Variants in FUT8 observed in about 807,000 individuals in gnomAD.
The protein encoded by FUT8 is alpha-(1,6)-fucosyltransferase.
A neutral mutation model predicts 71.3 loss-of-function variants in FUT8; 29 were observed. The ratio of observed to expected loss-of-function variants is 0.41; its 90% confidence interval spans 0.30 to 0.55. FUT8 has a LOEUF of 0.55. Among genes scored for constraint, FUT8 ranks in the 20% least tolerant of loss-of-function variants. The pLI is 0.34. For synonymous variants in FUT8, 254 were observed against 239.3 expected (o/e 1.06, Z -0.57); for missense variants, 544 against 702.1 (o/e 0.77, Z 2.55).
At chr14:65,359,296 A>G in the FUT8 span, among the ~76,000 whole-genome samples, 2 of 152,238 alleles carry the variant, frequency 1.3e-5, no homozygotes, top group Non-Finnish European at 2.9e-5. Context: ...AGAAACCAAT[A>G]AACAAGGCAC....
intron 1 of FUT8, among the ~76,000 whole-genome samples, chr14:65,441,357 A>G (rs2065652020): frequency 6.6e-6 from 1 of 152,218 alleles, no homozygotes. Flanking sequence ...TTAGAAAAGT[A>G]TACATATATG....
the FUT8 span, among the ~76,000 whole-genome samples, chr14:65,391,841 C>T: frequency 1.3e-5 from 2 of 151,874 alleles, no homozygotes; most frequent in African/African-American, 2.4e-5. Flanking sequence ...AGGCTGGTCT[C>T]GAACTCCTGA....
At chr14:65,410,774 T>A (rs2065114522), upstream of FUT8, 1 of 152,006 alleles carries the variant, frequency 6.6e-6, no homozygotes, top group Non-Finnish European at 1.5e-5. Context: ...GTTCTTTTTT[T>A]TAAATTTTAT....
intron 2 of FUT8, among the ~76,000 whole-genome samples, chr14:65,473,763 A>G (rs1218402059): frequency 6.6e-6 from 1 of 152,176 alleles, no homozygotes; most frequent in African/African-American, 2.4e-5. Flanking sequence ...TTCTCCCTAA[A>G]CTAATGTTTA....
intron 1 of FUT8, among the ~76,000 whole-genome samples, chr14:65,442,823 TAAA>T (rs34820585): frequency 7.3e-6 from 1 of 136,614 alleles, no homozygotes; most frequent in African/African-American, 2.8e-5. Flanking sequence ...CCCATCTCAT[TAAA>T]AAAAAAAAAA....
intron 1 of FUT8, among the ~76,000 whole-genome samples, chr14:65,430,040 G>C (rs1162692816): frequency 6.7e-6 from 1 of 149,172 alleles, no homozygotes; most frequent in Non-Finnish European, 1.5e-5. Context: ...TTTTTTTTGA[G>C]ACAGGGTATC....
intron 2 of FUT8, among the ~76,000 whole-genome samples, chr14:65,494,338 A>C (rs1315212202): frequency 6.6e-6 from 1 of 152,190 alleles, no homozygotes; most frequent in Non-Finnish European, 1.5e-5. Flanking sequence ...ATCTCAGTTC[A>C]AACTAACCAC....
At chr14:65,437,498 T>C (rs1311934340) in intron 1 of FUT8, among the ~76,000 whole-genome samples, 1 of 152,150 alleles carries the variant, frequency 6.6e-6, no homozygotes, top group Non-Finnish European at 1.5e-5. Context: ...ACACCACCAC[T>C]GCCATCTCCA....
rs74058550 is a variant in FUT8, at chr14:65,663,388, A to G, written c.598-5855A>G. 7.8e-3 allele frequency among the ~76,000 whole-genome samples: 1,187 copies of G among 151,722 alleles called. 9 individuals are homozygous for G. Among genetic ancestry groups the G allele is most frequent in the African/African-American group, 0.024 (986 of 41,428 alleles). On this transcript the variant is annotated intron_variant, in intron 6 of 10. Coordinates refer to ENST00000673929, the MANE Select transcript of FUT8 (RefSeq NM_001371533.1). ...TTGTTGCTTTATTTTTTTTTTCTAG[A>G]TACGTACTCTGATAAACCTAATCTT...
intron 2 of FUT8, chr14:65,468,376 G>T: frequency 2.0e-6 from 1 of 487,814 alleles, no homozygotes; most frequent in Admixed American, 2.7e-5. Flanking sequence ...GGTGGTTCCG[G>T]CCGAAAGGTT....
chr14:65,476,206 G>C (rs8017880), intron 2 of FUT8, among the ~76,000 whole-genome samples: 106,040 of 152,028 alleles, frequency 0.7, 37,277 homozygotes, highest in East Asian at 0.9. Context: ...GTGACTAGTG[G>C]TTTGTCCAGA....
At chr14:65,423,986 G>A (rs944287750) in intron 1 of FUT8, among the ~76,000 whole-genome samples, 4 of 152,182 alleles carry the variant, frequency 2.6e-5, no homozygotes, top group African/African-American at 9.7e-5. Flanking sequence ...TGCAGCTGCA[G>A]ACCTCAATCT....
intron 6 of FUT8, among the ~76,000 whole-genome samples, chr14:65,651,614 G>C (rs570672675): frequency 6.6e-6 from 1 of 152,162 alleles, no homozygotes; most frequent in Admixed American, 6.5e-5. Flanking sequence ...TTTTAAAGAA[G>C]CTATAATAAT....
At chr14:65,541,923 C>T (rs1037941717) in intron 2 of FUT8, among the ~76,000 whole-genome samples, 1 of 152,136 alleles carries the variant, frequency 6.6e-6, no homozygotes, top group Non-Finnish European at 1.5e-5. Flanking sequence ...TCTTGCAATT[C>T]TTAAAGCCAG....
At chr14:65,480,781 G>C (rs2066319149) in intron 2 of FUT8, among the ~76,000 whole-genome samples, 1 of 151,894 alleles carries the variant, frequency 6.6e-6, no homozygotes, top group Non-Finnish European at 1.5e-5. Flanking sequence ...CTGCCTTCTG[G>C]GTTCAAATGA....
chr14:65,380,017 C>A, the FUT8 span, among the ~76,000 whole-genome samples: 1 of 152,226 alleles, frequency 6.6e-6, no homozygotes, highest in Non-Finnish European at 1.5e-5. Flanking sequence ...CCTCTTAATA[C>A]CAGCACAATA....
chr14:65,692,539 G>A (rs1350161821), intron 7 of FUT8, among the ~76,000 whole-genome samples: 1 of 141,736 alleles, frequency 7.1e-6, no homozygotes, highest in South Asian at 2.3e-4. Flanking sequence ...CGGACGGGGC[G>A]GCTGGCCGGG....
At chr14:65,549,854 T>C (rs1885189158) in intron 2 of FUT8, among the ~76,000 whole-genome samples, 1 of 152,092 alleles carries the variant, frequency 6.6e-6, no homozygotes, top group Admixed American at 6.6e-5. Flanking sequence ...GACTGGGTAC[T>C]TTATAAAGAA....
rs541969574 is a variant in FUT8, at chr14:65,521,174, A to G, written c.-227-40163A>G. The stretch of plus-strand genomic sequence containing the variant: ...TAGTATAAAAGTATGAATCTTATAT[A>G]GTGATATTCTATTTTAAATGCTTTA... On this transcript the variant is annotated intron_variant, in intron 2 of 10. Coordinates refer to ENST00000673929, the MANE Select transcript of FUT8 (RefSeq NM_001371533.1). Among the ~76,000 whole-genome samples the G allele has an allele frequency of 9.9e-5, 15 of 152,220 alleles. No individual in the cohort carries two copies. The South Asian group carries it at 3.1e-3, about 32-fold the overall frequency.
Sources: allele counts gnomAD v4.1 joint callset (sites outside exome capture counted in the v4.1 genomes callset), GRCh38; gene constraint gnomAD v4.1.1; transcripts MANE v1.5; gene names NCBI Gene and HGNC (gene_info 2026-07-23, HGNC 2026-07-21).